Variants in TPCN2 observed in about 807,000 individuals in gnomAD.
The protein encoded by TPCN2 is two pore channel protein 2.
Under a neutral mutation model 111.4 loss-of-function variants are expected in TPCN2, and 92 were observed. The ratio of observed to expected loss-of-function variants is 0.83; its 90% confidence interval spans 0.70 to 0.98. The LOEUF is 0.98. Among genes scored for constraint, TPCN2 ranks in the 50% least tolerant of loss-of-function variants. The probability of loss-of-function intolerance (pLI) is 0.00; values close to 1 mark genes in which losing one functional copy is unlikely to be tolerated. For missense variants in TPCN2, 995 were observed against 980.1 expected, an observed-to-expected ratio of 1.02 and a Z score of -0.20; for synonymous variants, 405 against 414.5, an observed-to-expected ratio of 0.98 and a Z score of 0.28.
At chr11:69,053,647 T>C (rs1353314217) in intron 1 of TPCN2, among the ~76,000 whole-genome samples, 1 of 152,064 alleles carries the variant, frequency 6.6e-6, no homozygotes, top group Non-Finnish European at 1.5e-5. Context: ...GGGGAGCCGA[T>C]TGGGTGGCTG....
chr11:69,073,055 C>T (rs1855607272), intron 13 of TPCN2, 54 bp downstream of exon 13: 3 of 1,345,738 alleles, frequency 2.2e-6, no homozygotes, highest in Admixed American at 1.7e-5. Flanking sequence ...CCAGTTTCCC[C>T]TGCCCTTGAT....
At chr11:69,055,096 A>G in intron 3 of TPCN2, 79 bp from the exon 4 acceptor site, 1 of 1,482,854 alleles carries the variant, frequency 6.7e-7, no homozygotes, top group East Asian at 2.3e-5. Context: ...CGTGCTTCGG[A>G]CTGGGGAAGC....
chr11:69,072,700 A>T lies in TPCN2; in HGVS notation c.1135A>T (p.Met379Leu). ...VQLDSSHKQA[M>L]MEKVRSYGSV... ...GCTGGACAGCTCCCACAAACAGGCC[A>T]TGATGGAGGTACCCGCCCCCTGCTC... is the stretch of plus-strand genomic sequence containing the variant. Residue 379 changes from methionine (M) to leucine (L), a missense_variant, in exon 12 of 25, where the codon ATG (methionine) becomes TTG (leucine). By Grantham distance (15) the Met-to-Leu change is conservative. Coordinates refer to ENST00000294309, the MANE Select transcript of TPCN2 (RefSeq NM_139075.4). The T allele has an allele frequency of 6.2e-7, 1 of 1,613,708 alleles. No individual in the cohort carries two copies. Among genetic ancestry groups the T allele is most frequent in the South Asian group, 1.1e-5 (1 of 91,078 alleles).
intron 1 of TPCN2, among the ~76,000 whole-genome samples, 181 bp from the exon 2 acceptor site, chr11:69,053,852 C>T: frequency 6.6e-6 from 1 of 152,218 alleles, no homozygotes; most frequent in East Asian, 1.9e-4. Context: ...TGCCGAGGCA[C>T]TTACCTGGTT....
At chr11:69,052,207 G>A (rs370309743) in intron 1 of TPCN2, among the ~76,000 whole-genome samples, 8 of 152,226 alleles carry the variant, frequency 5.3e-5, no homozygotes, top group Admixed American at 2.0e-4. Context: ...GAACTCGGCC[G>A]CTTGTCTCTT....
At chr11:69,056,393 C>T (rs1405775994) in intron 4 of TPCN2, among the ~76,000 whole-genome samples, 3 of 152,310 alleles carry the variant, frequency 2.0e-5, no homozygotes, top group Admixed American at 2.0e-4. Context: ...GTTAGCAGGT[C>T]TGGGGGTTTT....
At chr11:69,066,342 C>T (rs1285275778) in intron 7 of TPCN2, among the ~76,000 whole-genome samples, 2 of 152,144 alleles carry the variant, frequency 1.3e-5, no homozygotes, top group Non-Finnish European at 2.9e-5. Context: ...CAGGAGGGGC[C>T]CGCCTAGCTC....
chr11:69,071,811 C>G (rs1025429965), intron 10 of TPCN2, 112 bp from the exon 11 acceptor site: 71 of 979,148 alleles, frequency 7.3e-5, no homozygotes, highest in Non-Finnish European at 7.6e-5. Flanking sequence ...ACTGGGCCCC[C>G]CCCCAAGGCT....
At chr11:69,069,974 C>G (rs1474936269) in intron 8 of TPCN2, among the ~76,000 whole-genome samples, 1 of 152,068 alleles carries the variant, frequency 6.6e-6, no homozygotes, top group Non-Finnish European at 1.5e-5. Flanking sequence ...TTTCAGCCCT[C>G]CCAGGAGACC....
In TPCN2 at chr11:69,086,549, G is replaced by A; in HGVS notation, c.2030G>A (p.Trp677Ter). 2 of 1,614,082 alleles carry A rather than the reference G, an allele frequency of 1.2e-6. No individual in the cohort carries two copies. Among genetic ancestry groups the A allele is most frequent in the Non-Finnish European group, 1.7e-6 (2 of 1,179,986 alleles). ...TGGTCCAAGATCTATTTTGTATTGT[G>A]GTGGCTGGTGTCGTCTGTCATCTGG... ...GPWSKIYFVL[W>*]WLVSSVIWVN... Residue 677 changes from tryptophan (W) to a stop codon, truncating the protein, a stop_gained, in exon 23 of 25, where the codon TGG (tryptophan) becomes TAG (stop). Coordinates refer to ENST00000294309, the MANE Select transcript of TPCN2 (RefSeq NM_139075.4). LOFTEE classifies it high-confidence loss of function.
intron 19 of TPCN2, 129 bp downstream of exon 19, chr11:69,084,145 G>A (rs1856167370): frequency 2.2e-6 from 2 of 905,730 alleles, no homozygotes; most frequent in South Asian, 2.9e-5. Flanking sequence ...GACGGCAGCA[G>A]GTTCCTGAGG....
intron 20 of TPCN2, 134 bp downstream of exon 20, chr11:69,085,420 TC>T: frequency 1.1e-6 from 1 of 921,820 alleles, no homozygotes; most frequent in Non-Finnish European, 1.7e-6. Context: ...GTCTCCTCCC[TC>T]CACCCCCTTT....
rs1007252609 is a variant in TPCN2 at position 69,070,459 on chromosome 11, G to T, written c.859G>T (p.Ala287Ser). The change falls in exon 9 of 25, where the codon GCC (alanine) becomes TCC (serine). Residue 287 changes from alanine to serine, a missense_variant. Transcript: ENST00000294309. ...GATTCCTGCGTATTCCAAGAACCGG[G>T]CCTATGCCATCTTCTTCATAGTCTT... The part of the protein sequence containing the change: ...VMIPAYSKNR[A>S]YAIFFIVFTV... 1.9e-6 allele frequency: 3 copies of T among 1,611,714 alleles called. No homozygotes were observed. The highest frequency in any genetic ancestry group is 4.5e-5 in the East Asian group (2 of 44,868).
chr11:69,054,286 C>T (rs1031102595), intron 2 of TPCN2, 189 bp downstream of exon 2: 52 of 601,154 alleles, frequency 8.7e-5, no homozygotes, highest in South Asian at 1.6e-4. Flanking sequence ...GCATCCTGGA[C>T]GCATTTGCTG....
intron 3 of TPCN2, 123 bp downstream of exon 3, chr11:69,054,920 C>A: frequency 1.0e-6 from 1 of 994,490 alleles, no homozygotes; most frequent in Non-Finnish European, 1.5e-6. Context: ...ATAGATAGGG[C>A]GGTTACCATC....
intron 7 of TPCN2, among the ~76,000 whole-genome samples, chr11:69,065,021 G>A (rs1355413617): frequency 2.0e-5 from 3 of 147,390 alleles, no homozygotes; most frequent in Non-Finnish European, 3.0e-5. Flanking sequence ...CATGGTGTCT[G>A]TATGTCTGTG....
At chr11:69,081,268 G>A in intron 17 of TPCN2, 132 bp from the exon 18 acceptor site, 1 of 597,200 alleles carries the variant, frequency 1.7e-6, no homozygotes, top group Non-Finnish European at 3.0e-6. Context: ...GCTCGGTGTT[G>A]GCTGTGGGGT....
At position 69,083,988 on chromosome 11, in the gene TPCN2, A is replaced by G. The variant is rs1328722210; in HGVS notation, c.1733A>G (p.Asn578Ser). The part of the protein sequence containing the change: ...VASTVLGLVQ[N>S]MRAFGGILVV... Reference sequence around the variant, plus strand: ...AGTACCGTCCTGGGCCTGGTGCAGAACATGCGTGCGTTTGGCGGGATCCTG... The same window carrying G: ...AGTACCGTCCTGGGCCTGGTGCAGAGCATGCGTGCGTTTGGCGGGATCCTG... The change falls in exon 19 of 25, where the codon AAC (asparagine) becomes AGC (serine). Residue 578 changes from asparagine (N) to serine (S), a missense_variant. Coordinates refer to ENST00000294309, the MANE Select transcript of TPCN2 (RefSeq NM_139075.4). The G allele has an allele frequency of 5.6e-6, 9 of 1,613,978 alleles. No individual in the cohort carries two copies. Among genetic ancestry groups the G allele is most frequent in the Non-Finnish European group, 7.6e-6 (9 of 1,180,026 alleles).
intron 13 of TPCN2, among the ~76,000 whole-genome samples, chr11:69,076,886 C>T (rs1855789833): frequency 7.9e-6 from 1 of 126,482 alleles, no homozygotes; most frequent in Non-Finnish European, 1.6e-5. Context: ...TCCACTTGCC[C>T]TCCTGCCCTC....
Sources: gnomAD v4.1 joint callset for allele counts (sites outside exome capture counted in the v4.1 genomes callset) on GRCh38, gnomAD v4.1.1 for gene constraint, MANE v1.5 for transcripts, NCBI Gene and HGNC (gene_info 2026-07-23, HGNC 2026-07-21) for gene names.